Variants in AMD1 observed in about 807,000 individuals in gnomAD.
AMD1 encodes S-adenosylmethionine decarboxylase proenzyme.
AMD1 carries 11 observed loss-of-function variants against 40.2 expected under a neutral mutation model. The observed-to-expected ratio is 0.27, with a 90% CI of 0.17 to 0.45. AMD1 has a LOEUF of 0.45. Ranked by LOEUF, AMD1 falls within the 20% of genes least tolerant of loss-of-function variation. The pLI is 1.00. For missense variants in AMD1, 257 were observed against 410.2 expected (o/e 0.63, Z 3.23); for synonymous variants, 121 against 130.8 (o/e 0.93, Z 0.51).
chr6:110,872,974 CTTTT>C (rs1292317311), upstream of AMD1, among the ~76,000 whole-genome samples: 3 of 152,302 alleles, frequency 2.0e-5, no homozygotes, highest in African/African-American at 7.2e-5. Flanking sequence ...AGAAATACTT[CTTTT>C]ATCTTTATTC....
At chr6:110,819,840 C>T in the AMD1 span, among the ~76,000 whole-genome samples, 2 of 152,168 alleles carry the variant, frequency 1.3e-5, no homozygotes, top group African/African-American at 4.8e-5. Flanking sequence ...AGACAAAACC[C>T]ACCAAAACCA....
Position 110,892,143 on chromosome 6 carries a change from G to T in AMD1, c.428-18G>T, listed in dbSNP as rs767399836. On this transcript the variant is annotated intron_variant, in intron 4 of 8. Coordinates refer to ENST00000368885, the MANE Select transcript of AMD1 (RefSeq NM_001634.6). The stretch of plus-strand genomic sequence containing the variant: ...AATGGATGTGTTATATTTATTTTGC[G>T]TTCTCTTCCCTCAACAGATGGAGCA... The T allele has an allele frequency of 9.3e-6, 15 of 1,612,694 alleles. No homozygotes were observed. The Admixed American group carries it at 1.2e-4, about 13-fold the overall frequency.
chr6:110,853,312 GT>G, the AMD1 span, among the ~76,000 whole-genome samples: 1,270 of 136,866 alleles, frequency 9.3e-3, 22 homozygotes, highest in African/African-American at 0.031. Context: ...TGGGTTTTTT[GT>G]TTTTTTTTTT....
chr6:110,873,150 A>C (rs1471757431), upstream of AMD1, among the ~76,000 whole-genome samples: 1 of 152,132 alleles, frequency 6.6e-6, no homozygotes, highest in African/African-American at 2.4e-5. Flanking sequence ...AGATCACCTG[A>C]GGTCAGGAGT....
chr6:110,839,985 C>T, the AMD1 span, among the ~76,000 whole-genome samples: 41 of 149,658 alleles, frequency 2.7e-4, 1 homozygote, highest in Admixed American at 2.5e-3. Context: ...CTGTTATACA[C>T]GGGAAGTAAG....
rs2115265898 is a variant in AMD1 at position 110,875,233 on chromosome 6, T to C, written c.110+18T>C. Reference sequence around the variant, plus strand: ...ATCCCAAGGTGGGTCCCCGGGGCGCTCGCTGACATCCGGGCCTGGGGGCTG... The same window carrying C: ...ATCCCAAGGTGGGTCCCCGGGGCGCCCGCTGACATCCGGGCCTGGGGGCTG... On this transcript the variant is annotated intron_variant, in intron 1 of 8. Coordinates refer to ENST00000368885, the MANE Select transcript of AMD1 (RefSeq NM_001634.6). 6.3e-7 allele frequency: 1 copy of C among 1,577,778 alleles called. No individual in the cohort carries two copies.
chr6:110,893,360 TAA>T (rs1271953322), intron 8 of AMD1, 114 bp from the exon 9 acceptor site: 9 of 1,411,636 alleles, frequency 6.4e-6, no homozygotes, highest in Non-Finnish European at 8.7e-6. Flanking sequence ...AGAAGGCAGC[TAA>T]AATAACTCAG....
chr6:110,814,778 C>T, the AMD1 span: 1 of 669,630 alleles, frequency 1.5e-6, no homozygotes, highest in Admixed American at 2.1e-5. Flanking sequence ...TGGGACGGGA[C>T]CGACGCCTCG....
the AMD1 span, among the ~76,000 whole-genome samples, chr6:110,869,184 A>T: frequency 2.6e-4 from 40 of 150,976 alleles, 1 homozygote; most frequent in South Asian, 8.1e-3. Flanking sequence ...AGGCTGGAGT[A>T]CAGTGGCGCT....
chr6:110,830,984 C>T, the AMD1 span, among the ~76,000 whole-genome samples: 3 of 152,004 alleles, frequency 2.0e-5, no homozygotes, highest in African/African-American at 7.2e-5. Flanking sequence ...ATTCTTTAAT[C>T]TTGGAGACTT....
the AMD1 span, among the ~76,000 whole-genome samples, chr6:110,860,065 G>A: frequency 6.6e-6 from 1 of 152,130 alleles, no homozygotes; most frequent in Non-Finnish European, 1.5e-5. Context: ...GGCCTCAGGT[G>A]ATCCGCCCAC....
chr6:110,843,068 G>A, the AMD1 span, among the ~76,000 whole-genome samples: 3 of 152,028 alleles, frequency 2.0e-5, no homozygotes, highest in Non-Finnish European at 4.4e-5. Context: ...GGGAGGTAGA[G>A]GTTGCAGTGA....
chr6:110,852,982 C>CTA, the AMD1 span, among the ~76,000 whole-genome samples: 128 of 111,482 alleles, frequency 1.1e-3, 1 homozygote, highest in South Asian at 0.022. Flanking sequence ...TAATTAAGCA[C>CTA]TTTTTTTTTT....
chr6:110,837,034 G>A, the AMD1 span, among the ~76,000 whole-genome samples: 2 of 151,888 alleles, frequency 1.3e-5, no homozygotes, highest in African/African-American at 4.8e-5. Context: ...GCAAGTGCCT[G>A]TAGTCCTAAC....
intron 1 of AMD1, among the ~76,000 whole-genome samples, chr6:110,876,939 A>G (rs1237395531): frequency 6.6e-6 from 1 of 152,224 alleles, no homozygotes; most frequent in Non-Finnish European, 1.5e-5. Context: ...TAAAGGGAAG[A>G]AGATTTTGTT....
intron 1 of AMD1, among the ~76,000 whole-genome samples, chr6:110,885,179 C>T (rs941438943): frequency 2.0e-5 from 3 of 151,628 alleles, no homozygotes; most frequent in Non-Finnish European, 2.9e-5. Flanking sequence ...TGCAGTGGTG[C>T]GATCTCGGCT....
At chr6:110,855,801 C>T in the AMD1 span, among the ~76,000 whole-genome samples, 1 of 152,092 alleles carries the variant, frequency 6.6e-6, no homozygotes, top group East Asian at 1.9e-4. Flanking sequence ...GGATGATGAG[C>T]CAGGCGCAGT....
upstream of AMD1, among the ~76,000 whole-genome samples, chr6:110,873,412 T>C (rs760537669): frequency 2.6e-5 from 4 of 152,212 alleles, no homozygotes; most frequent in Non-Finnish European, 5.9e-5. Flanking sequence ...GCTCACAACA[T>C]AGCTTCTTTC....
chr6:110,863,659 C>G, the AMD1 span, among the ~76,000 whole-genome samples: 1 of 151,966 alleles, frequency 6.6e-6, no homozygotes, highest in Admixed American at 6.6e-5. Flanking sequence ...CATGAGCCAC[C>G]GCGCCCGGCC....
Sources: allele counts gnomAD v4.1 joint callset (sites outside exome capture counted in the v4.1 genomes callset), GRCh38; gene constraint gnomAD v4.1.1; transcripts MANE v1.5; gene names NCBI Gene and HGNC (gene_info 2026-07-23, HGNC 2026-07-21).